DMGDH: variants seen among roughly 807,000 people sequenced by gnomAD.
DMGDH encodes the protein dimethylglycine dehydrogenase.
In DMGDH, 76 loss-of-function variants were observed where a neutral mutation model predicts 95.2. The observed-to-expected ratio is 0.80, with a 90% confidence interval of 0.66 to 0.97. DMGDH has a LOEUF of 0.97. Ranked by LOEUF, DMGDH falls within the 50% of genes least tolerant of loss-of-function variation. The pLI is 0.00. For synonymous variants in DMGDH, 345 were observed against 377.6 expected (o/e 0.91, Z 1.00); for missense variants, 987 against 1,055.0 (o/e 0.94, Z 0.89).
In DMGDH at chr5:79,063,637, G is replaced by A. The variant is rs754157360; in HGVS notation, c.252C>T (p.Leu84=). The A allele has an allele frequency of 2.5e-6, 4 of 1,614,086 alleles. No individual in the cohort carries two copies. Among genetic ancestry groups the A allele is most frequent in the South Asian group, 1.1e-5 (1 of 91,090 alleles). ...CTGCGTGCCAGGTAGATCCAGCCGT[G>A]AGCTCTGATTTCTCCAGCAGGACCA... ...KDVVLLEKSE[L]TAGSTWHAAG... is the part of the protein sequence containing the mutation. The change falls in exon 2 of 16, where the codon CTC becomes CTT. Residue 84 remains leucine, a synonymous_variant. Coordinates refer to ENST00000255189, the MANE Select transcript of DMGDH (RefSeq NM_013391.3).
At chr5:79,049,794 G>A (rs576454193) in intron 5 of DMGDH, among the ~76,000 whole-genome samples, 1 of 152,268 alleles carries the variant, frequency 6.6e-6, no homozygotes, top group Non-Finnish European at 1.5e-5. Flanking sequence ...TTTTAGGCAA[G>A]TTATTTTATA....
intron 13 of DMGDH, among the ~76,000 whole-genome samples, chr5:79,026,173 C>A (rs1753995504): frequency 6.6e-6 from 1 of 152,082 alleles, no homozygotes; most frequent in Non-Finnish European, 1.5e-5. Flanking sequence ...TCCCCAAAGT[C>A]CAAGACAGTT....
chr5:79,020,675 A>C (rs1019376415), intron 14 of DMGDH: 1 of 978,004 alleles, frequency 1.0e-6, no homozygotes, highest in African/African-American at 1.8e-5. Context: ...ACTTATGTTT[A>C]ATAGAGATTA....
At chr5:79,024,401 G>C in intron 13 of DMGDH, 71 bp from the exon 14 acceptor site, 1 of 1,378,078 alleles carries the variant, frequency 7.3e-7, no homozygotes, top group Non-Finnish European at 1.0e-6. Context: ...TTTCATATTT[G>C]TTTTTAGGAG....
chr5:79,033,553 T>G, intron 7 of DMGDH, 145 bp from the exon 8 acceptor site: 3 of 1,014,244 alleles, frequency 3.0e-6, no homozygotes, highest in South Asian at 1.4e-5. Flanking sequence ...TGGAACAATT[T>G]TTTCCTTAAA....
intron 5 of DMGDH, among the ~76,000 whole-genome samples, 168 bp downstream of exon 5, chr5:79,051,119 G>T (rs1224128654): frequency 1.3e-5 from 2 of 152,070 alleles, no homozygotes; most frequent in Non-Finnish European, 2.9e-5. Context: ...CATCCACCAA[G>T]AGCAAAGTGA....
rs149499124 is a variant in DMGDH at position 79,028,552 on chromosome 5, C to G, written c.1913G>C (p.Arg638Thr). 186 of 1,614,144 alleles carry G rather than the reference C, an allele frequency of 1.2e-4. No individual in the cohort carries two copies. The African/African-American group carries it at 2.3e-3, about 20-fold the overall frequency. The change falls in exon 12 of 16, where the codon AGA (arginine) becomes ACA (threonine). Residue 638 changes from arginine (R) to threonine (T), a missense_variant. By Grantham distance (71) the Arg-to-Thr change is moderately conservative (BLOSUM62 -1). Transcript: ENST00000255189. ...AGAGGTCAGTTTCTGAAGGACCTTTCTTGCCTGTGGCCCAGCAACTCCAAG... is the reference window on the plus strand; with the variant it reads ...AGAGGTCAGTTTCTGAAGGACCTTTGTTGCCTGTGGCCCAGCAACTCCAAG... ...GVLGVAGPQA[R>T]KVLQKLTSED...
intron 14 of DMGDH, among the ~76,000 whole-genome samples, chr5:79,012,912 T>C (rs1358038190): frequency 6.6e-6 from 1 of 152,226 alleles, no homozygotes; most frequent in African/African-American, 2.4e-5. Context: ...ATAGGGATTG[T>C]TGTGAAGGTC....
At chr5:79,017,930 C>T (rs1265690694) in intron 14 of DMGDH, among the ~76,000 whole-genome samples, 1 of 152,204 alleles carries the variant, frequency 6.6e-6, no homozygotes, top group Non-Finnish European at 1.5e-5. Flanking sequence ...CAAGAGACTA[C>T]TGGAGTTTTA....
intron 15 of DMGDH, 76 bp from the exon 16 acceptor site, chr5:78,998,373 T>G: frequency 1.4e-6 from 2 of 1,387,960 alleles, no homozygotes; most frequent in South Asian, 2.5e-5. Flanking sequence ...GAAAAAAAAC[T>G]AAAATACAGA....
At position 79,042,407 on chromosome 5, in the gene DMGDH, G is replaced by T. The variant is rs768830165; in HGVS notation, c.1069C>A (p.Pro357Thr). ...ATGATGTCAGCCTTTTTCAAGACAGGAACCATTTCCATGGCAGCTTTGATG... is the reference window on the plus strand; with the variant it reads ...ATGATGTCAGCCTTTTTCAAGACAGTAACCATTTCCATGGCAGCTTTGATG... The part of the protein sequence containing the change: ...EHIKAAMEMV[P>T]VLKKADIINV... Residue 357 changes from proline to threonine, a missense_variant, in exon 7 of 16, where the codon CCT becomes ACT. Coordinates refer to ENST00000255189, the MANE Select transcript of DMGDH (RefSeq NM_013391.3). 6.2e-7 allele frequency: 1 copy of T among 1,614,124 alleles called. No individual in the cohort carries two copies. The highest frequency in any genetic ancestry group is 1.1e-5 in the South Asian group (1 of 91,080).
chr5:79,027,908 C>G (rs1754046079), intron 12 of DMGDH, among the ~76,000 whole-genome samples: 1 of 148,514 alleles, frequency 6.7e-6, no homozygotes, highest in Admixed American at 6.8e-5. Context: ...GTGGTGTCAT[C>G]TTGGCTCATA....
Position 79,069,580 on chromosome 5 carries a change from A to C in DMGDH, c.41T>G (p.Leu14Arg), listed in dbSNP as rs1412727866. Residue 14 changes from leucine (L) to arginine (R), a missense_variant, in exon 1 of 16, where the codon CTG becomes CGG. Coordinates refer to ENST00000255189, the MANE Select transcript of DMGDH (RefSeq NM_013391.3). ...PGAQLLRGLL[L>R]RSCPLQGSPG... ...GGAGCCCTGCAGCGGGCAGCTCCGCAGCAGGAGGCCCCGCAGCAGCTGCGC... is the reference window on the plus strand; with the variant it reads ...GGAGCCCTGCAGCGGGCAGCTCCGCCGCAGGAGGCCCCGCAGCAGCTGCGC... 2 of 1,359,420 alleles carry C rather than the reference A, an allele frequency of 1.5e-6. No individual in the cohort carries two copies. Among genetic ancestry groups the C allele is most frequent in the Non-Finnish European group, 1.9e-6 (2 of 1,055,774 alleles). 84.2% of individuals were successfully genotyped at this position (1,359,420 alleles called of 1,614,324 possible). A position where few individuals can be genotyped will look rare whatever the true frequency, so the allele number is the denominator to read the frequency against.
intron 14 of DMGDH, among the ~76,000 whole-genome samples, chr5:79,011,141 T>A (rs913365247): frequency 6.6e-6 from 1 of 152,184 alleles, no homozygotes; most frequent in Non-Finnish European, 1.5e-5. Context: ...ACTGGATTCA[T>A]TCATTTGGGG....
chr5:79,013,589 C>G (rs1753681056), intron 14 of DMGDH, among the ~76,000 whole-genome samples: 1 of 152,182 alleles, frequency 6.6e-6, no homozygotes, highest in South Asian at 2.1e-4. Context: ...TGTTCTCTCA[C>G]TGCTATAAAG....
intron 14 of DMGDH, among the ~76,000 whole-genome samples, chr5:79,016,914 C>T (rs768946219): frequency 7.9e-5 from 12 of 151,926 alleles, no homozygotes; most frequent in Non-Finnish European, 8.8e-5. Context: ...AACATACTGA[C>T]GAAGATATAA....
chr5:79,007,454 G>A (rs71634947), intron 14 of DMGDH, among the ~76,000 whole-genome samples: 2,425 of 152,008 alleles, frequency 0.016, 35 homozygotes, highest in Middle Eastern at 0.054. Flanking sequence ...ATACACAGAG[G>A]GATGACTATA....
intron 7 of DMGDH, among the ~76,000 whole-genome samples, chr5:79,033,895 G>A (rs1324638454): frequency 5.3e-5 from 8 of 152,154 alleles, no homozygotes; most frequent in African/African-American, 1.9e-4. Context: ...TCGCACCACT[G>A]CACTCCGGCC....
At chr5:79,028,969 A>T (rs1288784692) in intron 11 of DMGDH, among the ~76,000 whole-genome samples, 2 of 152,358 alleles carry the variant, frequency 1.3e-5, no homozygotes, top group South Asian at 4.1e-4. Flanking sequence ...CTAATGATTC[A>T]GCCTTGCAAA....
Sources: gnomAD v4.1 joint callset for allele counts (sites outside exome capture counted in the v4.1 genomes callset) on GRCh38, gnomAD v4.1.1 for gene constraint, MANE v1.5 for transcripts, NCBI Gene and HGNC (gene_info 2026-07-23, HGNC 2026-07-21) for gene names.